Variants in AGBL3 observed in about 807,000 individuals in gnomAD.
AGBL3 encodes the protein cytosolic carboxypeptidase 3.
Under a neutral mutation model 94.5 loss-of-function variants are expected in AGBL3, and 68 were observed. That is an observed-to-expected ratio of 0.72 (90% confidence interval 0.59 to 0.88). The LOEUF (loss-of-function observed/expected upper bound fraction) is 0.88, where lower values mean the gene tolerates loss of function less well. AGBL3 is among the 40% of genes least tolerant of loss of function. The pLI is 0.00. For missense variants in AGBL3, 934 were observed against 1,103.8 expected (o/e 0.85, Z 2.18); for synonymous variants, 354 against 370.7 (o/e 0.95, Z 0.52).
intron 15 of AGBL3, among the ~76,000 whole-genome samples, chr7:135,085,235 A>G (rs949574254): frequency 9.2e-5 from 14 of 152,010 alleles, no homozygotes; most frequent in African/African-American, 3.1e-4. Flanking sequence ...ATTCCCTTAT[A>G]TATTCTGGAT....
intron 16 of AGBL3, chr7:135,128,718 A>G: frequency 7.3e-7 from 1 of 1,373,488 alleles, no homozygotes; most frequent in South Asian, 1.2e-5. Context: ...TGATTCTCAG[A>G]AAAAAAGTGC....
intron 5 of AGBL3, among the ~76,000 whole-genome samples, chr7:135,029,199 A>C (rs1257049992): frequency 2.6e-5 from 4 of 152,190 alleles, no homozygotes; most frequent in Admixed American, 6.5e-5. Flanking sequence ...CTAAGAGGAT[A>C]GTCAGTCTGT....
intron 12 of AGBL3, among the ~76,000 whole-genome samples, chr7:135,066,465 A>G (rs375780837): frequency 1.3e-5 from 2 of 152,332 alleles, no homozygotes; most frequent in East Asian, 3.9e-4. Context: ...AAATTAAAAA[A>G]TTGTGTTTGC....
At chr7:135,075,057 T>C (rs559008925) in intron 12 of AGBL3, among the ~76,000 whole-genome samples, 26 of 152,338 alleles carry the variant, frequency 1.7e-4, no homozygotes, top group Non-Finnish European at 3.5e-4. Context: ...TTCAGAGAGA[T>C]GCCAGGGACC....
At chr7:134,987,658 G>A (rs991669545) in intron 1 of AGBL3, among the ~76,000 whole-genome samples, 1 of 152,146 alleles carries the variant, frequency 6.6e-6, no homozygotes, top group Non-Finnish European at 1.5e-5. Context: ...TTAATTAAAT[G>A]ATTTGCTTGA....
At chr7:135,084,822 T>C (rs1374915059) in intron 15 of AGBL3, among the ~76,000 whole-genome samples, 3 of 152,184 alleles carry the variant, frequency 2.0e-5, no homozygotes, top group Non-Finnish European at 4.4e-5. Context: ...CAGATATCTC[T>C]TTGACATACT....
intron 11 of AGBL3, among the ~76,000 whole-genome samples, chr7:135,057,284 A>G (rs1297357382): frequency 6.6e-6 from 1 of 152,178 alleles, no homozygotes; most frequent in African/African-American, 2.4e-5. Context: ...TGTAAAATAC[A>G]AAACTATAAA....
intron 5 of AGBL3, among the ~76,000 whole-genome samples, chr7:135,020,454 G>GT (rs1430022310): frequency 1.3e-5 from 2 of 152,198 alleles, no homozygotes; most frequent in African/African-American, 4.8e-5. Context: ...CTTTTACACT[G>GT]TTGGTGGGAC....
rs564381337 is a variant in AGBL3 at position 135,042,952 on chromosome 7, A to G, written c.1501-1073A>G. On this transcript the variant is annotated intron_variant, in intron 8 of 16. Coordinates refer to ENST00000436302, the MANE Select transcript of AGBL3 (RefSeq NM_178563.4). ...AAGATGCATAGAATGAAACACAAAA[A>G]GTCAATTTTATCGTATGTTACTGAA... Among the ~76,000 whole-genome samples, 4 of 152,270 alleles carry G rather than the reference A, an allele frequency of 2.6e-5. No individual in the cohort carries two copies. In the South Asian group the frequency reaches 8.3e-4, roughly 32 times the overall value.
At chr7:135,023,370 T>C (rs1771750430) in intron 5 of AGBL3, among the ~76,000 whole-genome samples, 2 of 151,988 alleles carry the variant, frequency 1.3e-5, no homozygotes, top group South Asian at 4.1e-4. Context: ...CTGCATGGGG[T>C]TGCTGAATGC....
At chr7:135,045,209 CAACCA>C (rs1349364643) in intron 9 of AGBL3, among the ~76,000 whole-genome samples, 1 of 152,048 alleles carries the variant, frequency 6.6e-6, no homozygotes, top group East Asian at 1.9e-4. Flanking sequence ...TTCTAACTGG[CAACCA>C]AATATTCTAT....
At chr7:135,063,945 G>A (rs1157273274) in intron 12 of AGBL3, among the ~76,000 whole-genome samples, 1 of 152,186 alleles carries the variant, frequency 6.6e-6, no homozygotes, top group African/African-American at 2.4e-5. Context: ...CTAATTGTGG[G>A]TTGGGTTCAG....
intron 5 of AGBL3, among the ~76,000 whole-genome samples, chr7:135,028,083 A>T (rs1001190731): frequency 5.9e-5 from 9 of 151,716 alleles, no homozygotes; most frequent in African/African-American, 1.4e-4. Context: ...TTGCTAAAAA[A>T]TTAAAATTAT....
chr7:135,121,871 A>C (rs1289835444), intron 16 of AGBL3, among the ~76,000 whole-genome samples: 1 of 152,178 alleles, frequency 6.6e-6, no homozygotes, highest in East Asian at 1.9e-4. Context: ...CAGCCGGGGA[A>C]ACCGTGCTTT....
chr7:135,100,145 CA>C (rs1823591708), intron 15 of AGBL3: 1 of 151,070 alleles, frequency 6.6e-6, no homozygotes, highest in Admixed American at 6.6e-5. Context: ...CTCAACCTCC[CA>C]AAATGCTGGG....
chr7:135,125,502 C>A (rs1002063828), intron 16 of AGBL3, among the ~76,000 whole-genome samples: 1 of 152,126 alleles, frequency 6.6e-6, no homozygotes, highest in African/African-American at 2.4e-5. Flanking sequence ...GAAACTACTC[C>A]AAACAATTGA....
rs1468243352 is a variant in AGBL3, at chr7:135,081,746, A to G, written c.2066A>G (p.Tyr689Cys). ...KDTRPNEPDD[Y>C]MVDYFRRQLP... ...ACAAGGCCAAATGAACCAGATGATT[A>G]TATGGTTGATTATTTCAGAAGACAA... The change falls in exon 15 of 17, where the codon TAT becomes TGT. Residue 689 changes from tyrosine to cysteine, a missense_variant. By Grantham distance (194) the Tyr-to-Cys change is radical (BLOSUM62 -2). This residue lies in a region of AGBL3 where 441 missense variants were observed against 518.2 expected (regional missense o/e 0.85). Coordinates refer to ENST00000436302, the MANE Select transcript of AGBL3 (RefSeq NM_178563.4). 1.9e-6 allele frequency: 3 copies of G among 1,542,890 alleles called. No individual in the cohort carries two copies. The highest frequency in any genetic ancestry group is 2.6e-6 in the Non-Finnish European group (3 of 1,141,056).
At chr7:135,120,610 A>G (rs963454478) in intron 16 of AGBL3, among the ~76,000 whole-genome samples, 7 of 152,230 alleles carry the variant, frequency 4.6e-5, no homozygotes, top group African/African-American at 1.7e-4. Context: ...CTATTACATT[A>G]AATGTAAATG....
chr7:135,020,501 T>C (rs950848989), intron 5 of AGBL3, among the ~76,000 whole-genome samples: 34 of 152,264 alleles, frequency 2.2e-4, no homozygotes, highest in Non-Finnish European at 3.1e-4. Flanking sequence ...GACAGTGTGG[T>C]GATTCCTCAG....
Sources: allele counts gnomAD v4.1 joint callset (sites outside exome capture counted in the v4.1 genomes callset), GRCh38; gene constraint gnomAD v4.1.1; regional missense constraint gnomAD v4.1.1; transcripts MANE v1.5; gene names NCBI Gene and HGNC (gene_info 2026-07-23, HGNC 2026-07-21).